Variants in DYNLRB1 observed in about 807,000 individuals in gnomAD.
DYNLRB1 encodes dynein light chain roadblock-type 1, also known as ROBL/LC7-like 1.
In DYNLRB1, 6 loss-of-function variants were observed where a neutral mutation model predicts 13.5. The ratio of observed to expected loss-of-function variants is 0.44; its 90% CI spans 0.24 to 0.88. The LOEUF is 0.88. Among genes scored for constraint, DYNLRB1 ranks in the 40% least tolerant of loss-of-function variants. The pLI, the probability that DYNLRB1 is intolerant of heterozygous loss-of-function variation, is 0.21. For missense variants in DYNLRB1, 93 were observed against 127.2 expected, an observed-to-expected ratio of 0.73 and a Z score of 1.29; for synonymous variants, 43 against 45.0, an observed-to-expected ratio of 0.96 and a Z score of 0.18.
intron 2 of DYNLRB1, among the ~76,000 whole-genome samples, chr20:34,532,308 G>A (rs138339259): frequency 1.3e-5 from 2 of 152,212 alleles, no homozygotes; most frequent in Non-Finnish European, 2.9e-5. Context: ...AGATAAGGCA[G>A]TGGAAGCTCA....
At chr20:34,533,605 GGT>G (rs1980884438) in intron 2 of DYNLRB1, 1 of 712,472 alleles carries the variant, frequency 1.4e-6, no homozygotes, top group African/African-American at 1.9e-5. Context: ...TGGATCATGA[GGT>G]CAGGAGTTCA....
rs11907610 is a variant in DYNLRB1, at chr20:34,516,453, T to G, written c.-6T>G. ...TCGCTACGCGGGGCTACCGGATCGGTCGGAAATGGTGAGCGTGCGCCGGGG... is the reference window on the plus strand; with the variant it reads ...TCGCTACGCGGGGCTACCGGATCGGGCGGAAATGGTGAGCGTGCGCCGGGG... On this transcript the variant is annotated 5_prime_UTR_variant, in exon 1 of 4. Transcript: ENST00000357156. 7.4e-6 allele frequency: 12 copies of G among 1,612,926 alleles called. No homozygotes were observed. The highest frequency in any genetic ancestry group is 1.0e-5 in the Non-Finnish European group (12 of 1,179,406).
At chr20:34,526,984 G>A (rs1980274327) in intron 2 of DYNLRB1, among the ~76,000 whole-genome samples, 1 of 152,156 alleles carries the variant, frequency 6.6e-6, no homozygotes, top group South Asian at 2.1e-4. Flanking sequence ...ATCTGTGTAG[G>A]TAGAAGTGTA....
chr20:34,529,455 G>T (rs941894372), intron 2 of DYNLRB1, among the ~76,000 whole-genome samples: 1 of 152,202 alleles, frequency 6.6e-6, no homozygotes, highest in Admixed American at 6.5e-5. Flanking sequence ...CCAGCCAGGC[G>T]TGGTGGCTCA....
At chr20:34,525,843 G>A (rs1980155703) in intron 1 of DYNLRB1, among the ~76,000 whole-genome samples, 1 of 152,194 alleles carries the variant, frequency 6.6e-6, no homozygotes, top group South Asian at 2.1e-4. Flanking sequence ...CTATCCTCAT[G>A]TGCTGTTTGG....
intron 1 of DYNLRB1, 175 bp downstream of exon 1, chr20:34,516,636 T>C (rs1022162741): frequency 2.0e-6 from 3 of 1,496,214 alleles, no homozygotes; most frequent in African/African-American, 2.9e-5. Context: ...CGGAGGCCTC[T>C]AAAGCCTGAC....
chr20:34,532,881 G>A (rs1224518839), intron 2 of DYNLRB1, among the ~76,000 whole-genome samples: 12 of 152,156 alleles, frequency 7.9e-5, no homozygotes, highest in East Asian at 1.9e-4. Flanking sequence ...TCAGCCAGTC[G>A]GCCTGATAAC....
chr20:34,533,117 G>A (rs1216639957), intron 2 of DYNLRB1, among the ~76,000 whole-genome samples: 6 of 152,192 alleles, frequency 3.9e-5, no homozygotes, highest in Non-Finnish European at 7.3e-5. Context: ...CTCAGTGTGA[G>A]CCGCATGCCT....
rs143455286 is a variant in DYNLRB1, at chr20:34,530,279, A to G, written c.79+3936A>G. On this transcript the variant is annotated intron_variant, in intron 2 of 3. Transcript: ENST00000357156. Reference sequence around the variant, plus strand: ...ATACTCATGGGGCTGATTGCACCATAGCTGAGAACGTGGAATGCAGAATGA... The same window carrying G: ...ATACTCATGGGGCTGATTGCACCATGGCTGAGAACGTGGAATGCAGAATGA... 6 of 1,018,012 alleles carry G rather than the reference A, an allele frequency of 5.9e-6. No individual in the cohort carries two copies. The African/African-American group carries it at 1.0e-4, about 17-fold the overall frequency. The allele number at this position is 1,018,012 out of a possible 1,614,324, so 63.1% of individuals were successfully genotyped here. A position where few individuals can be genotyped will look rare whatever the true frequency, so the allele number is the denominator to read the frequency against.
rs985779958 is a variant in DYNLRB1, at chr20:34,535,713, G to T, written c.247+918G>T. On this transcript the variant is annotated intron_variant, in intron 3 of 3. Transcript: ENST00000357156. Reference sequence around the variant, plus strand: ...CCCGCTGCAGTGCCGCTTATCTAGGGCATCAGGATGTGAGTGGGGAGGAGT... The same window carrying T: ...CCCGCTGCAGTGCCGCTTATCTAGGTCATCAGGATGTGAGTGGGGAGGAGT... 1.0e-5 allele frequency: 10 copies of T among 985,258 alleles called. No homozygotes were observed. In the African/African-American group the frequency reaches 1.6e-4, roughly 16 times the overall value. 61.0% of individuals were successfully genotyped at this position (985,258 alleles called of 1,614,324 possible).
intron 3 of DYNLRB1, chr20:34,535,150 C>T (rs1049267483): frequency 2.0e-6 from 2 of 985,024 alleles, no homozygotes; most frequent in Non-Finnish European, 2.4e-6. Flanking sequence ...GAAGAGGGGA[C>T]ACTGGAGCTG....
chr20:34,526,187 C>T (rs952748466), intron 1 of DYNLRB1, 81 bp from the exon 2 acceptor site: 80 of 1,469,706 alleles, frequency 5.4e-5, no homozygotes, highest in Middle Eastern at 1.8e-4. Context: ...GGAAGACAAA[C>T]GTATGATTCA....
intron 1 of DYNLRB1, among the ~76,000 whole-genome samples, chr20:34,525,427 G>C (rs1326582427): frequency 6.6e-6 from 1 of 152,182 alleles, no homozygotes; most frequent in Non-Finnish European, 1.5e-5. Context: ...GCATGTCCCA[G>C]AGAGGCACAC....
At chr20:34,534,471 C>T (rs954474538) in intron 2 of DYNLRB1, among the ~76,000 whole-genome samples, 157 bp from the exon 3 acceptor site, 2 of 151,938 alleles carry the variant, frequency 1.3e-5, no homozygotes, top group Non-Finnish European at 2.9e-5. Context: ...TGGCATGCTT[C>T]GGGTGCTCAG....
rs936819859 is a variant in DYNLRB1, at chr20:34,533,484, T to C, written c.80-1144T>C. ...CCTTGGGTGGAAATCATGATGGTTA[T>C]GTCCCAGCACAAGCTGACTTTTTCT... is the stretch of plus-strand genomic sequence containing the variant. On this transcript the variant is annotated intron_variant, in intron 2 of 3. Transcript: ENST00000357156. The C allele has an allele frequency of 6.1e-6, 6 of 985,366 alleles. 1 individual carries two copies. The Admixed American group carries it at 1.8e-4, about 30-fold the overall frequency. The allele number at this position is 985,366 out of a possible 1,614,324, so 61.0% of individuals were successfully genotyped here.
chr20:34,529,859 G>A (rs1192411040), intron 2 of DYNLRB1: 1 of 1,522,004 alleles, frequency 6.6e-7, no homozygotes, highest in Non-Finnish European at 8.8e-7. Context: ...CAGGAGGCTG[G>A]GAGCCCTTGG....
chr20:34,515,768 C>G (rs1377127320), upstream of DYNLRB1, among the ~76,000 whole-genome samples: 4 of 152,164 alleles, frequency 2.6e-5, no homozygotes, highest in Non-Finnish European at 1.5e-5. Flanking sequence ...TGCCTTCATA[C>G]CCTCCCACCA....
chr20:34,534,993 A>G lies in DYNLRB1; in HGVS notation c.247+198A>G. 3 of 1,430,966 alleles carry G rather than the reference A, an allele frequency of 2.1e-6. No individual in the cohort carries two copies. The East Asian group carries it at 7.8e-5, about 37-fold the overall frequency. 88.6% of individuals were successfully genotyped at this position (1,430,966 alleles called of 1,614,324 possible). The stretch of plus-strand genomic sequence containing the variant: ...GCAGATCCTCCCAGGGACCGGCCCC[A>G]GAGGGTAACCCCAGTCTCCTGAGAT... On this transcript the variant is annotated intron_variant, in intron 3 of 3. Transcript: ENST00000357156.
intron 3 of DYNLRB1, 99 bp from the exon 4 acceptor site, chr20:34,540,482 C>G: frequency 8.7e-7 from 1 of 1,152,374 alleles, no homozygotes; most frequent in Admixed American, 2.2e-5. Context: ...TCTCCCCTTC[C>G]TCATTTTATG....
Sources: gnomAD v4.1 joint callset for allele counts (sites outside exome capture counted in the v4.1 genomes callset) on GRCh38, gnomAD v4.1.1 for gene constraint, MANE v1.5 for transcripts, NCBI Gene and HGNC (gene_info 2026-07-23, HGNC 2026-07-21) for gene names.